MAP3K10: variants seen among roughly 807,000 people sequenced by gnomAD.
The protein encoded by MAP3K10 is MKN28 derived nonreceptor_type serine/threonine kinase.
MAP3K10 carries 22 observed loss-of-function variants against 75.0 expected under a neutral mutation model. That is an observed-to-expected ratio of 0.29 (90% confidence interval 0.21 to 0.42). The LOEUF (loss-of-function observed/expected upper bound fraction) is 0.42, where lower values mean the gene tolerates loss of function less well. Ranked by LOEUF, MAP3K10 falls within the 10% of genes least tolerant of loss-of-function variation. The pLI, the probability that MAP3K10 is intolerant of heterozygous loss-of-function variation, is 1.00. For synonymous variants in MAP3K10, 599 were observed against 612.9 expected (o/e 0.98, Z 0.34); for missense variants, 1,165 against 1,379.8 (o/e 0.84, Z 2.47).
Position 40,213,308 on chromosome 19 carries a change from G to T in MAP3K10, c.1837+120G>T, listed in dbSNP as rs886234930. 1.4e-5 allele frequency: 21 copies of T among 1,450,724 alleles called. No individual in the cohort carries two copies. The highest frequency in any genetic ancestry group is 2.7e-5 in the Admixed American group (1 of 37,606). The allele number at this position is 1,450,724 out of a possible 1,614,324, so 89.9% of individuals were successfully genotyped here. On this transcript the variant is annotated intron_variant, in intron 8 of 9. Coordinates refer to ENST00000253055, the MANE Select transcript of MAP3K10 (RefSeq NM_002446.4). The surrounding 1 kb of genome is among the most constrained non-coding windows in gnomAD (Gnocchi z 5.7). ...AGTGAGTGGAAGGCCTTCCTGGGAA[G>T]GGAGATGGTGGCCCCTGGGGCGTGG...
chr19:40,210,266 CAAAAAA>C (rs946252783), intron 6 of MAP3K10, among the ~76,000 whole-genome samples: 3 of 150,968 alleles, frequency 2.0e-5, no homozygotes, highest in African/African-American at 7.3e-5. Context: ...GACTCCGTCT[CAAAAAA>C]AACAAAAACA....
rs772470380 is a variant in MAP3K10, at chr19:40,215,012, A to G, written c.2585A>G (p.Gln862Arg). The G allele has an allele frequency of 2.3e-6, 3 of 1,313,992 alleles. No homozygotes were observed. Among genetic ancestry groups the G allele is most frequent in the East Asian group, 3.0e-5 (1 of 33,804 alleles). 81.4% of individuals were successfully genotyped at this position (1,313,992 alleles called of 1,614,324 possible). A position where few individuals can be genotyped will look rare whatever the true frequency, so the allele number is the denominator to read the frequency against. ...GACTTCCCCCGCCTGCCCGACCCCC[A>G]GGCCCTGTTCCCAGCCCGCCGCCGG... is the stretch of plus-strand genomic sequence containing the variant. Reference protein sequence around the residue: ...LLDFPRLPDPQALFPARRRPP... With the variant: ...LLDFPRLPDPRALFPARRRPP... The change falls in exon 10 of 10, where the codon CAG becomes CGG. Residue 862 changes from glutamine to arginine, a missense_variant. Gln to Arg is a conservative substitution (Grantham distance 43). This residue lies in a region of MAP3K10 where 590 missense variants were observed against 586.6 expected (regional missense o/e 1.01). Coordinates refer to ENST00000253055, the MANE Select transcript of MAP3K10 (RefSeq NM_002446.4).
Position 40,214,965 on chromosome 19 carries a change from AC to A in MAP3K10, c.2543-3del. The A allele has an allele frequency of 6.7e-7, 1 of 1,499,710 alleles. No individual in the cohort carries two copies. Among genetic ancestry groups the A allele is most frequent in the Non-Finnish European group, 9.2e-7 (1 of 1,089,478 alleles). The allele number at this position is 1,499,710 out of a possible 1,614,324, so 92.9% of individuals were successfully genotyped here. ...CACTCACCTCCTCTGAACCTCTCTT[AC>A]CAGGCCCTCGTGACCTTCTGGACTT... On this transcript the variant is annotated splice_polypyrimidine_tract_variant and splice_region_variant and intron_variant, in intron 9 of 9. Coordinates refer to ENST00000253055, the MANE Select transcript of MAP3K10 (RefSeq NM_002446.4).
Position 40,213,959 on chromosome 19 carries a change from A to C in MAP3K10, c.2280A>C (p.Ser760=). The C allele has an allele frequency of 6.5e-7, 1 of 1,532,200 alleles. No homozygotes were observed. The highest frequency in any genetic ancestry group is 8.7e-7 in the Non-Finnish European group (1 of 1,146,984). 94.9% of individuals were successfully genotyped at this position (1,532,200 alleles called of 1,614,324 possible). Residue 760 remains serine (S), a synonymous_variant, in exon 9 of 10, where the codon TCA becomes TCC. Transcript: ENST00000253055. The surrounding 1 kb of genome is among the most constrained non-coding windows in gnomAD (Gnocchi z 5.7). ...SSVSDCNSTR[S]LLRSDSDEAA... ...TGTCCGACTGCAACTCCACGCGTTC[A>C]CTGCTGCGCTCTGACAGTGACGAGG... is the stretch of plus-strand genomic sequence containing the variant.
intron 1 of MAP3K10, among the ~76,000 whole-genome samples, chr19:40,193,720 C>T (rs1203427012): frequency 6.6e-6 from 1 of 152,148 alleles, no homozygotes; most frequent in East Asian, 1.9e-4. Flanking sequence ...GTGCTGTGCC[C>T]CATCTCACTC....
At position 40,205,685 on chromosome 19, in the gene MAP3K10, T is replaced by C; in HGVS notation, c.1189-226T>C. On this transcript the variant is annotated intron_variant, in intron 4 of 9. Transcript: ENST00000253055. This position sits in a 1 kb window ranked among gnomAD's most constrained non-coding sequence, Gnocchi z 4.3. ...GTTTGAAGTTTTCTAAATTGAAGAG[T>C]TAAGAAAGAAAAAGAAAGAAAAAGC... The C allele has an allele frequency of 1.9e-6, 1 of 532,988 alleles. No homozygotes were observed. The allele number at this position is 532,988 out of a possible 1,614,324, so 33.0% of individuals were successfully genotyped here.
chr19:40,213,375 T>A lies in MAP3K10; in HGVS notation c.1838-142T>A, dbSNP rs1437373031. 6 of 1,463,212 alleles carry A rather than the reference T, an allele frequency of 4.1e-6. No homozygotes were observed. The Admixed American group carries it at 1.4e-4, about 35-fold the overall frequency. 90.6% of individuals were successfully genotyped at this position (1,463,212 alleles called of 1,614,324 possible). On this transcript the variant is annotated intron_variant, in intron 8 of 9. Transcript: ENST00000253055. The surrounding 1 kb of genome is among the most constrained non-coding windows in gnomAD (Gnocchi z 5.7). ...GCAGGGACCACCCTTCTCTGAGGCTTCTCCTGGAGACAGATTCAAGAACGA... is the reference window on the plus strand; with the variant it reads ...GCAGGGACCACCCTTCTCTGAGGCTACTCCTGGAGACAGATTCAAGAACGA...
Position 40,213,149 on chromosome 19 carries a change from A to G in MAP3K10, c.1798A>G (p.Thr600Ala). ...CAACCTGGGCAAGTCCCCCAAACAC[A>G]CACCCATCGCCCCTGGCTTTGCCAG... ...APNLGKSPKH[T>A]PIAPGFASLN... The change falls in exon 8 of 10, where the codon ACA becomes GCA. Residue 600 changes from threonine (T) to alanine (A), a missense_variant. Physicochemically the swap from Thr to Ala is moderately conservative, Grantham distance 58 (BLOSUM62 0). This residue lies in a region of MAP3K10 where 590 missense variants were observed against 586.6 expected (regional missense o/e 1.01). Coordinates refer to ENST00000253055, the MANE Select transcript of MAP3K10 (RefSeq NM_002446.4). The surrounding 1 kb of genome is among the most constrained non-coding windows in gnomAD (Gnocchi z 5.7). 6.3e-7 allele frequency: 1 copy of G among 1,598,050 alleles called. No homozygotes were observed. Among genetic ancestry groups the G allele is most frequent in the African/African-American group, 1.3e-5 (1 of 74,956 alleles).
chr19:40,200,273 A>C (rs1157083989), intron 2 of MAP3K10, among the ~76,000 whole-genome samples: 1 of 152,196 alleles, frequency 6.6e-6, no homozygotes, highest in African/African-American at 2.4e-5. Flanking sequence ...TGGGTGACAG[A>C]GCAAGACTCC....
intron 1 of MAP3K10, among the ~76,000 whole-genome samples, chr19:40,195,468 G>A (rs891216393): frequency 3.8e-5 from 3 of 78,500 alleles, no homozygotes; most frequent in Non-Finnish European, 9.2e-5. Context: ...AAGCCCGCCC[G>A]GCCTTTTTTT....
At chr19:40,211,335 T>A (rs1336792397) in intron 6 of MAP3K10, among the ~76,000 whole-genome samples, 8 of 132,412 alleles carry the variant, frequency 6.0e-5, no homozygotes, top group South Asian at 4.9e-4. Flanking sequence ...TTTTTTTTTT[T>A]AATTTTCATT....
At position 40,191,828 on chromosome 19, in the gene MAP3K10, C is replaced by CCCCCA; in HGVS notation, c.-203_-202insCCCAC. ...CCACTCCCACCCCGCCCCGCCCCGC[C>CCCCCA]CGTACAGCCAAATCGGAAGGGACGA... On this transcript the variant is annotated 5_prime_UTR_variant, in exon 1 of 10. Transcript: ENST00000253055. The CCCCCA allele has an allele frequency of 4.2e-6, 1 of 238,468 alleles. No individual in the cohort carries two copies. The highest frequency in any genetic ancestry group is 8.1e-6 in the Non-Finnish European group (1 of 123,762). 14.8% of individuals were successfully genotyped at this position (238,468 alleles called of 1,614,324 possible).
Position 40,215,513 on chromosome 19 carries a change from G to C in MAP3K10, c.*221G>C. The stretch of plus-strand genomic sequence containing the variant: ...GGGGGAGGGTGGGCAGGGATACTCA[G>C]GGACAGGGCATCATGGGGGATTTGG... On this transcript the variant is annotated 3_prime_UTR_variant, in exon 10 of 10. Transcript: ENST00000253055. 2 of 563,576 alleles carry C rather than the reference G, an allele frequency of 3.5e-6. No individual in the cohort carries two copies. Among genetic ancestry groups the C allele is most frequent in the South Asian group, 5.0e-5 (2 of 40,314 alleles). The allele number at this position is 563,576 out of a possible 1,614,324, so 34.9% of individuals were successfully genotyped here. A position where few individuals can be genotyped will look rare whatever the true frequency, so the allele number is the denominator to read the frequency against.
At chr19:40,195,776 T>G (rs1004109884) in intron 1 of MAP3K10, among the ~76,000 whole-genome samples, 1 of 152,154 alleles carries the variant, frequency 6.6e-6, no homozygotes, top group Admixed American at 6.6e-5. Context: ...ATTACAGGCA[T>G]GAGCCACCGC....
In MAP3K10 at chr19:40,192,355, C is replaced by T. The variant is rs1972835430; in HGVS notation, c.324C>T (p.Gly108=). The T allele has an allele frequency of 6.2e-7, 1 of 1,613,442 alleles. No individual in the cohort carries two copies. The highest frequency in any genetic ancestry group is 8.5e-7 in the Non-Finnish European group (1 of 1,179,914). The change falls in exon 1 of 10, where the codon GGC becomes GGT. Residue 108 remains glycine (G), a synonymous_variant. Coordinates refer to ENST00000253055, the MANE Select transcript of MAP3K10 (RefSeq NM_002446.4). The surrounding 1 kb of genome is among the most constrained non-coding windows in gnomAD (Gnocchi z 7.1). ...TAGAGGAGATCATCGGTGTGGGGGGCTTTGGCAAGGTCTATCGGGCCCTGT... is the reference window on the plus strand; with the variant it reads ...TAGAGGAGATCATCGGTGTGGGGGGTTTTGGCAAGGTCTATCGGGCCCTGT... The part of the protein sequence containing the change: ...LQLEEIIGVG[G]FGKVYRALWR...
At chr19:40,207,484 C>A (rs538477568) in intron 5 of MAP3K10, among the ~76,000 whole-genome samples, 1 of 152,126 alleles carries the variant, frequency 6.6e-6, no homozygotes, top group East Asian at 1.9e-4. Context: ...GTCTGTAATC[C>A]CAGCACTTTT....
chr19:40,208,939 T>C lies in MAP3K10; in HGVS notation c.1436-164T>C, dbSNP rs139875387. Among the ~76,000 whole-genome samples, 124 of 152,292 alleles carry C rather than the reference T, an allele frequency of 8.1e-4. 2 individuals are homozygous for C. In the East Asian group the frequency reaches 0.022, roughly 27 times the overall value. On this transcript the variant is annotated intron_variant, in intron 5 of 9. Transcript: ENST00000253055. Reference sequence around the variant, plus strand: ...TTGCCAAGAAATTTTCAGCTGATGGTGATGCTGCTGTTCTGGGGCCCACAC... The same window carrying C: ...TTGCCAAGAAATTTTCAGCTGATGGCGATGCTGCTGTTCTGGGGCCCACAC...
rs1230873410 is a variant in MAP3K10, at chr19:40,191,991, C to A, written c.-41C>A. 1.1e-5 allele frequency: 14 copies of A among 1,325,714 alleles called. No homozygotes were observed. The highest frequency in any genetic ancestry group is 1.2e-5 in the Non-Finnish European group (12 of 1,015,432). 82.1% of individuals were successfully genotyped at this position (1,325,714 alleles called of 1,614,324 possible). ...CCCGCCCTCTGCATCCCGCGGGCAGCCTGTGTGAAGCGGCCTCCCGCAGCC... is the reference window on the plus strand; with the variant it reads ...CCCGCCCTCTGCATCCCGCGGGCAGACTGTGTGAAGCGGCCTCCCGCAGCC... On this transcript the variant is annotated 5_prime_UTR_variant, in exon 1 of 10. Coordinates refer to ENST00000253055, the MANE Select transcript of MAP3K10 (RefSeq NM_002446.4).
intron 2 of MAP3K10, among the ~76,000 whole-genome samples, chr19:40,202,389 G>T (rs964451869): frequency 3.3e-5 from 5 of 152,178 alleles, no homozygotes; most frequent in African/African-American, 9.7e-5. Context: ...GTGCCTGTCT[G>T]CTGTGCTGAG....
Sources: gnomAD v4.1 joint callset for allele counts (sites outside exome capture counted in the v4.1 genomes callset) on GRCh38, gnomAD v4.1.1 for gene constraint, gnomAD v4.1.1 regional missense constraint, Gnocchi (gnomAD v3.1) non-coding constraint, MANE v1.5 for transcripts, NCBI Gene and HGNC (gene_info 2026-07-23, HGNC 2026-07-21) for gene names.